Variants in PC observed in about 807,000 individuals in gnomAD.
PC encodes pyruvate carboxylase, also known as pyruvate carboxylase, mitochondrial.
In PC, 46 loss-of-function variants were observed where a neutral mutation model predicts 107.8. The observed-to-expected ratio is 0.43, with a 90% CI of 0.34 to 0.55. The LOEUF is 0.55. Ranked by LOEUF, PC falls within the 20% of genes least tolerant of loss-of-function variation. The probability of loss-of-function intolerance (pLI) is 0.04; values close to 1 mark genes in which losing one functional copy is unlikely to be tolerated. For missense variants in PC, 1,241 were observed against 1,643.1 expected, an observed-to-expected ratio of 0.76 and a Z score of 4.23; for synonymous variants, 662 against 684.7, an observed-to-expected ratio of 0.97 and a Z score of 0.52.
Position 66,857,687 on chromosome 11 carries a change from C to A in PC, c.1369-4304G>T. ...TGGGACTGTCCTGGGCCCAAGTGGG[C>A]ACCTGCGCCAGCCCCACCTGTGCCT... On this transcript the variant is annotated intron_variant, in intron 12 of 22. Transcript: ENST00000393960. This position sits in a 1 kb window ranked among gnomAD's most constrained non-coding sequence, Gnocchi z 7.1. 1 of 1,522,416 alleles carries A rather than the reference C, an allele frequency of 6.6e-7. No homozygotes were observed. Among genetic ancestry groups the A allele is most frequent in the Non-Finnish European group, 8.8e-7 (1 of 1,138,278 alleles). The allele number at this position is 1,522,416 out of a possible 1,614,324, so 94.3% of individuals were successfully genotyped here.
intron 3 of PC, among the ~76,000 whole-genome samples, chr11:66,921,604 GGC>G (rs1282629449): frequency 2.0e-5 from 3 of 152,104 alleles, no homozygotes; most frequent in African/African-American, 7.2e-5. Flanking sequence ...CAGGGGCATG[GGC>G]GGTGGGGTGG....
At chr11:66,944,706 G>A (rs887071406) in intron 3 of PC, among the ~76,000 whole-genome samples, 1 of 117,044 alleles carries the variant, frequency 8.5e-6, no homozygotes, top group Non-Finnish European at 1.9e-5. Context: ...TTTTAAAATG[G>A]GGGACGAAAA....
At chr11:66,911,590 A>T (rs536347163) in intron 3 of PC, among the ~76,000 whole-genome samples, 1 of 152,242 alleles carries the variant, frequency 6.6e-6, no homozygotes, top group South Asian at 2.1e-4. Context: ...CCTCTTTAAA[A>T]AAGTAATAAT....
chr11:66,944,083 C>T (rs778445713), intron 3 of PC, among the ~76,000 whole-genome samples: 1 of 116,446 alleles, frequency 8.6e-6, no homozygotes, highest in Non-Finnish European at 1.9e-5. Context: ...AGATCGAGAC[C>T]ATCCTGGCTA....
rs1231658651 is a variant in PC, at chr11:66,858,264, C to T, written c.1369-4881G>A. The T allele has an allele frequency of 7.4e-6, 12 of 1,612,356 alleles. No homozygotes were observed. In the East Asian group the frequency reaches 2.0e-4, roughly 27 times the overall value. On this transcript the variant is annotated intron_variant, in intron 12 of 22. Transcript: ENST00000393960. This position sits in a 1 kb window ranked among gnomAD's most constrained non-coding sequence, Gnocchi z 5.9. The stretch of plus-strand genomic sequence containing the variant: ...CGGCGCCATGCCTGCCCTGCACACC[C>T]TCAACCTGGACCATAACCTTATTGA...
chr11:66,935,433 A>T (rs1258758082), intron 3 of PC, among the ~76,000 whole-genome samples: 1 of 152,206 alleles, frequency 6.6e-6, no homozygotes, highest in African/African-American at 2.4e-5. Flanking sequence ...CAGGGAGAAG[A>T]GCCCTGCCTT....
chr11:66,957,170 G>A (rs574712660), intron 1 of PC, among the ~76,000 whole-genome samples: 1 of 152,242 alleles, frequency 6.6e-6, no homozygotes. Context: ...GCTGATGGTG[G>A]CAGTGGGTAC....
intron 3 of PC, among the ~76,000 whole-genome samples, chr11:66,927,631 G>C (rs1948749111): frequency 6.6e-6 from 1 of 151,776 alleles, no homozygotes; most frequent in African/African-American, 2.4e-5. Context: ...GCTGAGGTAG[G>C]AGAATCGCTT....
intron 3 of PC, among the ~76,000 whole-genome samples, chr11:66,943,168 G>A (rs892771378): frequency 3.9e-5 from 6 of 152,042 alleles, no homozygotes; most frequent in African/African-American, 7.2e-5. Flanking sequence ...CCTGTTCTAT[G>A]AGTAGGATTA....
chr11:66,950,554 G>C (rs1949412263), intron 3 of PC, among the ~76,000 whole-genome samples: 1 of 152,102 alleles, frequency 6.6e-6, no homozygotes, highest in African/African-American at 2.4e-5. Flanking sequence ...GGAGGGGAGG[G>C]TGACAAGCTT....
At chr11:66,869,527 TC>T (rs1305776630) in intron 9 of PC, among the ~76,000 whole-genome samples, 1 of 152,014 alleles carries the variant, frequency 6.6e-6, no homozygotes, top group African/African-American at 2.4e-5. Context: ...CTGAATCACC[TC>T]CCTTAAACCT....
intron 12 of PC, among the ~76,000 whole-genome samples, chr11:66,861,558 C>T (rs11227610): frequency 6.6e-6 from 1 of 150,414 alleles, no homozygotes; most frequent in Non-Finnish European, 1.5e-5. Flanking sequence ...CTTCGAGAGC[C>T]TGGTTTAGAT....
At position 66,870,351 on chromosome 11, in the gene PC, G is replaced by T; in HGVS notation, c.854C>A (p.Pro285Gln). ...GCTGGTGAGCCGAGTCCGAAGCTGC[G>T]GGTCCAGGTGGGCGGCGGGGGCAAT... ...VEIAPAAHLD[P>Q]QLRTRLTSDS... Residue 285 changes from proline (P) to glutamine (Q), a missense_variant, in exon 9 of 23, where the codon CCG (proline) becomes CAG (glutamine). Coordinates refer to ENST00000393960, the MANE Select transcript of PC (RefSeq NM_001040716.2). The surrounding 1 kb of genome is among the most constrained non-coding windows in gnomAD (Gnocchi z 6.1). 1 of 1,613,600 alleles carries T rather than the reference G, an allele frequency of 6.2e-7. No homozygotes were observed. The highest frequency in any genetic ancestry group is 8.5e-7 in the Non-Finnish European group (1 of 1,180,004).
At chr11:66,850,512 TC>T (rs780337600) in intron 18 of PC, 48 bp from the exon 19 acceptor site, 9 of 1,612,838 alleles carry the variant, frequency 5.6e-6, no homozygotes, top group East Asian at 2.2e-5. Flanking sequence ...GTGTGACTCT[TC>T]CAGGACCCAG....
chr11:66,914,746 A>C (rs1195678339), intron 3 of PC, among the ~76,000 whole-genome samples: 2 of 152,134 alleles, frequency 1.3e-5, no homozygotes, highest in Non-Finnish European at 2.9e-5. Context: ...GTTTAGTAGT[A>C]GTGCCAGGCA....
rs1946754479 is a variant in PC at position 66,871,994 on chromosome 11, G to A, written c.136+30C>T. On this transcript the variant is annotated intron_variant, in intron 4 of 22. Coordinates refer to ENST00000393960, the MANE Select transcript of PC (RefSeq NM_001040716.2). The surrounding 1 kb of genome is among the most constrained non-coding windows in gnomAD (Gnocchi z 7.4). ...ATGCCAAGGCTGGGGCGGCCATGAG[G>A]CTCCTCTCACCGGCCCCACTGGTGC... 1.3e-6 allele frequency: 2 copies of A among 1,557,442 alleles called. No individual in the cohort carries two copies. The highest frequency in any genetic ancestry group is 1.7e-6 in the Non-Finnish European group (2 of 1,150,586).
chr11:66,849,412 G>A, intron 21 of PC, 42 bp from the exon 22 acceptor site: 1 of 1,610,490 alleles, frequency 6.2e-7, no homozygotes, highest in Non-Finnish European at 8.5e-7. Flanking sequence ...ACGCCAAGGT[G>A]GGAGAGCAGT....
rs1487315142 is a variant in PC at position 66,945,424 on chromosome 11, G to GC, written c.-1+7005_-1+7006insG. 3.1e-5 allele frequency among the ~76,000 whole-genome samples: 3 copies of GC among 96,660 alleles called. 1 individual carries two copies. The highest frequency in any genetic ancestry group is 3.6e-4 in the East Asian group (1 of 2,806). The allele number at this position is 96,660 out of a possible 152,430, so 63.4% of individuals were successfully genotyped here. A position where few individuals can be genotyped will look rare whatever the true frequency, so the allele number is the denominator to read the frequency against. On this transcript the variant is annotated intron_variant, in intron 3 of 22. Transcript: ENST00000393960. ...TAACTGAATTCAAATGGTTTGGGGGGGCGGGTCGGAACTGCAGAGTTACAT... is the reference window on the plus strand; with the variant it reads ...TAACTGAATTCAAATGGTTTGGGGGGCGCGGGTCGGAACTGCAGAGTTACAT...
At chr11:66,885,398 G>T (rs142308573) in intron 3 of PC, among the ~76,000 whole-genome samples, 338 of 151,672 alleles carry the variant, frequency 2.2e-3, no homozygotes, top group African/African-American at 7.6e-3. Context: ...GCTGAGACAG[G>T]AGAATTTGCT....
Sources: allele counts gnomAD v4.1 joint callset (sites outside exome capture counted in the v4.1 genomes callset), GRCh38; gene constraint gnomAD v4.1.1; non-coding constraint Gnocchi (gnomAD v3.1); transcripts MANE v1.5; gene names NCBI Gene and HGNC (gene_info 2026-07-23, HGNC 2026-07-21).